RTN4IP1: variants seen among roughly 807,000 people sequenced by gnomAD.
The protein encoded by RTN4IP1 is NAD(P)H oxidoreductase RTN4IP1, mitochondrial.
RTN4IP1 carries 32 observed loss-of-function variants against 46.6 expected under a neutral mutation model. That is an observed-to-expected ratio of 0.69 (90% CI 0.52 to 0.92). The LOEUF is 0.92. Among genes scored for constraint, RTN4IP1 ranks in the 40% least tolerant of loss-of-function variants. RTN4IP1 has a pLI of 0.00. For synonymous variants in RTN4IP1, 167 were observed against 161.8 expected (o/e 1.03, Z -0.24); for missense variants, 424 against 485.8 (o/e 0.87, Z 1.20).
upstream of RTN4IP1, chr6:106,629,829 T>G (rs1776777759): frequency 3.3e-6 from 4 of 1,196,296 alleles, no homozygotes; most frequent in Admixed American, 8.5e-5. Context: ...TAGAACTGAG[T>G]GGGGGATAAG....
At chr6:106,575,549 G>A (rs74709674) in intron 8 of RTN4IP1, among the ~76,000 whole-genome samples, 489 of 152,304 alleles carry the variant, frequency 3.2e-3, no homozygotes, top group Middle Eastern at 0.017. Flanking sequence ...TTGAGGCTTC[G>A]GAAGACGGTA....
intron 5 of RTN4IP1, 133 bp from the exon 6 acceptor site, chr6:106,592,433 C>G: frequency 1.1e-6 from 1 of 899,196 alleles, no homozygotes; most frequent in Non-Finnish European, 1.6e-6. Context: ...AGTACGTCAT[C>G]TTAACCAGAA....
At chr6:106,589,115 G>A in intron 6 of RTN4IP1, among the ~76,000 whole-genome samples, 1 of 124,010 alleles carries the variant, frequency 8.1e-6, no homozygotes. Flanking sequence ...AGAAGAAGAA[G>A]AGGAAGAAGA....
chr6:106,610,877 C>T (rs1408692216), intron 4 of RTN4IP1, among the ~76,000 whole-genome samples: 1 of 151,938 alleles, frequency 6.6e-6, no homozygotes, highest in African/African-American at 2.4e-5. Context: ...TCCTTTTTGC[C>T]TAATCTCTGA....
intron 2 of RTN4IP1, 99 bp downstream of exon 2, chr6:106,622,719 A>C (rs1435748775): frequency 7.7e-7 from 1 of 1,299,108 alleles, no homozygotes; most frequent in African/African-American, 1.5e-5. Context: ...AGCTGCACTG[A>C]CAGGCAAAGT....
chr6:106,585,690 A>T lies in RTN4IP1; in HGVS notation c.990+1989T>A, dbSNP rs531312476. 1.6e-4 allele frequency among the ~76,000 whole-genome samples: 25 copies of T among 152,332 alleles called. No individual in the cohort carries two copies. In the South Asian group the frequency reaches 5.0e-3, roughly 30 times the overall value. Reference sequence around the variant, plus strand: ...AGCAGGTAGGAGAGTCAGAAGCATGACAATGAGGCTTTAACTACGTGCACA... The same window carrying T: ...AGCAGGTAGGAGAGTCAGAAGCATGTCAATGAGGCTTTAACTACGTGCACA... On this transcript the variant is annotated intron_variant, in intron 7 of 8. Transcript: ENST00000369063.
At chr6:106,583,566 A>C in intron 7 of RTN4IP1, 146 bp from the exon 8 acceptor site, 2 of 613,426 alleles carry the variant, frequency 3.3e-6, no homozygotes, top group Non-Finnish European at 5.9e-6. Flanking sequence ...GCACCTTGGC[A>C]CAATGACTGA....
chr6:106,604,760 A>G (rs574511179), intron 4 of RTN4IP1, among the ~76,000 whole-genome samples: 34 of 152,184 alleles, frequency 2.2e-4, no homozygotes, highest in Middle Eastern at 6.8e-3. Flanking sequence ...AAAATTGCCT[A>G]CATACTCCCC....
chr6:106,590,490 G>T (rs950811201), intron 6 of RTN4IP1, among the ~76,000 whole-genome samples: 1 of 152,006 alleles, frequency 6.6e-6, no homozygotes, highest in African/African-American at 2.4e-5. Flanking sequence ...GCCGAGACAG[G>T]TGGATCACGG....
intron 7 of RTN4IP1, among the ~76,000 whole-genome samples, chr6:106,584,734 A>C (rs897629953): frequency 1.3e-5 from 2 of 152,266 alleles, no homozygotes; most frequent in Admixed American, 1.3e-4. Context: ...AGTGAAACTT[A>C]CTGAGGAAAG....
chr6:106,619,606 ATTTTT>A lies in RTN4IP1; in HGVS notation c.496-285_496-281del, dbSNP rs869120910. Among the ~76,000 whole-genome samples the A allele has an allele frequency of 5.5e-3, 607 of 110,458 alleles. 4 individuals carry two copies. The highest frequency in any genetic ancestry group is 0.02 in the African/African-American group (573 of 28,422). The allele number at this position is 110,458 out of a possible 152,430, so 72.5% of individuals were successfully genotyped here. On this transcript the variant is annotated intron_variant, in intron 3 of 8. Transcript: ENST00000369063. ...ATGAATAGTAAGTATACTTTTCTTCATTTTTTTTTTTTTTTTTTTTTTTGAGACGG... is the reference window on the plus strand; with the variant it reads ...ATGAATAGTAAGTATACTTTTCTTCATTTTTTTTTTTTTTTTTTGAGACGG...
intron 5 of RTN4IP1, among the ~76,000 whole-genome samples, chr6:106,595,276 G>C (rs1209048987): frequency 6.6e-6 from 1 of 152,074 alleles, no homozygotes; most frequent in Non-Finnish European, 1.5e-5. Flanking sequence ...TCTGCAACTC[G>C]GCAGATGGAT....
At chr6:106,593,592 TTGTC>T (rs1775715087) in intron 5 of RTN4IP1, among the ~76,000 whole-genome samples, 1 of 152,338 alleles carries the variant, frequency 6.6e-6, no homozygotes, top group South Asian at 2.1e-4. Flanking sequence ...GGATCTGTGT[TTGTC>T]TGGTTCACTA....
chr6:106,583,547 G>A, intron 7 of RTN4IP1, 127 bp from the exon 8 acceptor site: 2 of 701,096 alleles, frequency 2.9e-6, no homozygotes, highest in Non-Finnish European at 5.0e-6. Flanking sequence ...CTGACAAAAT[G>A]TGTGCACAGC....
intron 5 of RTN4IP1, among the ~76,000 whole-genome samples, chr6:106,594,156 T>C (rs1178132941): frequency 1.3e-4 from 20 of 152,178 alleles, no homozygotes; most frequent in Admixed American, 1.2e-3. Context: ...TATGAAAATG[T>C]TTTAAAAACA....
At position 106,622,798 on chromosome 6, in the gene RTN4IP1, A is replaced by G. The variant is rs760304926; in HGVS notation, c.426+20T>C. The stretch of plus-strand genomic sequence containing the variant: ...CTGTGGGTTGGATCCCCGCAGGAAT[A>G]GTGGCATTCCCTAACTCACCTCATC... On this transcript the variant is annotated intron_variant, in intron 2 of 8. Coordinates refer to ENST00000369063, the MANE Select transcript of RTN4IP1 (RefSeq NM_032730.5). 2 of 1,605,926 alleles carry G rather than the reference A, an allele frequency of 1.2e-6. No individual in the cohort carries two copies. Among genetic ancestry groups the G allele is most frequent in the Non-Finnish European group, 1.7e-6 (2 of 1,175,454 alleles).
chr6:106,591,623 G>C (rs956634469), intron 6 of RTN4IP1, among the ~76,000 whole-genome samples: 5 of 152,070 alleles, frequency 3.3e-5, no homozygotes, highest in Non-Finnish European at 7.4e-5. Context: ...TGGAGTCACA[G>C]TCAGAATCAA....
At chr6:106,618,107 G>A (rs1173076332) in intron 4 of RTN4IP1, among the ~76,000 whole-genome samples, 3 of 152,142 alleles carry the variant, frequency 2.0e-5, no homozygotes, top group African/African-American at 7.2e-5. Flanking sequence ...AGATAAGGAA[G>A]GGTAGTACCT....
In RTN4IP1 at chr6:106,575,454, C is replaced by T. The variant is rs904699432; in HGVS notation, c.1084-3351G>A. ...GTAGGGACGACGGGAACCTTAACCT[C>T]TCTGGATGTGGCCTTGGAATATTGC... is the stretch of plus-strand genomic sequence containing the variant. On this transcript the variant is annotated intron_variant, in intron 8 of 8. Coordinates refer to ENST00000369063, the MANE Select transcript of RTN4IP1 (RefSeq NM_032730.5). Among the ~76,000 whole-genome samples, 3 of 152,258 alleles carry T rather than the reference C, an allele frequency of 2.0e-5. No individual in the cohort carries two copies. In the East Asian group the frequency reaches 5.8e-4, roughly 29 times the overall value.
Sources: allele counts gnomAD v4.1 joint callset (sites outside exome capture counted in the v4.1 genomes callset), GRCh38; gene constraint gnomAD v4.1.1; transcripts MANE v1.5; gene names NCBI Gene and HGNC (gene_info 2026-07-23, HGNC 2026-07-21).